CNTN5: variants seen among roughly 807,000 people sequenced by gnomAD.
CNTN5 encodes the protein contactin-5.
CNTN5 carries 77 observed loss-of-function variants against 129.1 expected under a neutral mutation model. The observed-to-expected ratio is 0.60, with a 90% CI of 0.50 to 0.72. The LOEUF (loss-of-function observed/expected upper bound fraction) is 0.72, where lower values mean the gene tolerates loss of function less well. Among genes scored for constraint, CNTN5 ranks in the 30% least tolerant of loss-of-function variants. The pLI is 0.00. For missense variants in CNTN5, 1,478 were observed against 1,328.8 expected (o/e 1.11, Z -1.75); for synonymous variants, 509 against 465.6 (o/e 1.09, Z -1.20).
intron 1 of CNTN5, among the ~76,000 whole-genome samples, chr11:99,150,829 A>G (rs4402263): frequency 0.65 from 99,401 of 151,868 alleles, 33,188 homozygotes; most frequent in African/African-American, 0.75. Context: ...TATATCCCTA[A>G]GCCTAGTCAT....
rs184377804 is a variant in CNTN5, at chr11:99,846,824, G to A, written c.577+1562G>A. ...GTACCGAGATAGGTCCTAGAAAAAT[G>A]TAAATATCATATTTTAAAGTAGATT... is the stretch of plus-strand genomic sequence containing the variant. On this transcript the variant is annotated intron_variant, in intron 6 of 24. Coordinates refer to ENST00000524871, the MANE Select transcript of CNTN5 (RefSeq NM_014361.4). Among the ~76,000 whole-genome samples the A allele has an allele frequency of 6.5e-3, 989 of 152,126 alleles. 2 individuals are homozygous for A. Among genetic ancestry groups the A allele is most frequent in the Non-Finnish European group, 0.01 (697 of 67,960 alleles).
chr11:99,340,484 A>C (rs1052533629), intron 2 of CNTN5, among the ~76,000 whole-genome samples: 1 of 152,212 alleles, frequency 6.6e-6, no homozygotes. Context: ...TGAAAGAACA[A>C]GTGAAGAATG....
At chr11:100,141,722 T>C (rs1946702156) in intron 13 of CNTN5, among the ~76,000 whole-genome samples, 1 of 152,178 alleles carries the variant, frequency 6.6e-6, no homozygotes, top group East Asian at 1.9e-4. Flanking sequence ...CTGACAGGGT[T>C]ATTCAAGTGA....
At chr11:100,216,211 A>G (rs1949136026) in intron 15 of CNTN5, among the ~76,000 whole-genome samples, 1 of 152,168 alleles carries the variant, frequency 6.6e-6, no homozygotes, top group African/African-American at 2.4e-5. Context: ...AGGAGGAGTT[A>G]GAAAACCTAC....
chr11:100,149,351 G>A (rs1213010010), intron 13 of CNTN5, among the ~76,000 whole-genome samples: 3 of 152,034 alleles, frequency 2.0e-5, no homozygotes, highest in Admixed American at 1.3e-4. Context: ...TATCAATTAA[G>A]TTTATTCAAA....
intron 9 of CNTN5, among the ~76,000 whole-genome samples, chr11:100,003,366 C>T (rs1325052913): frequency 6.6e-6 from 1 of 152,128 alleles, no homozygotes; most frequent in Admixed American, 6.6e-5. Flanking sequence ...AGTTAAAAGT[C>T]TGGTTTGTCA....
intron 2 of CNTN5, among the ~76,000 whole-genome samples, chr11:99,491,054 A>G (rs11220171): frequency 0.22 from 33,493 of 152,012 alleles, 4,027 homozygotes; most frequent in Admixed American, 0.34. Flanking sequence ...GCACGGATAC[A>G]CTACTGCCCT....
chr11:99,697,914 A>G (rs1954343588), intron 3 of CNTN5, among the ~76,000 whole-genome samples: 1 of 151,690 alleles, frequency 6.6e-6, no homozygotes, highest in Non-Finnish European at 1.5e-5. Context: ...CTCCTTCCTT[A>G]CTAGCTTAGT....
At chr11:100,295,068 T>G (rs573162864) in intron 18 of CNTN5, among the ~76,000 whole-genome samples, 1 of 151,550 alleles carries the variant, frequency 6.6e-6, no homozygotes. Flanking sequence ...TCTAGTAAAC[T>G]TTTTTTAAAA....
chr11:99,908,454 T>C (rs891791493), intron 6 of CNTN5, among the ~76,000 whole-genome samples: 1 of 152,090 alleles, frequency 6.6e-6, no homozygotes, highest in South Asian at 2.1e-4. Context: ...CATTTTTCTT[T>C]TTAATGCTTA....
chr11:99,171,500 G>A (rs1331826384), intron 1 of CNTN5, among the ~76,000 whole-genome samples: 2 of 151,782 alleles, frequency 1.3e-5, no homozygotes, highest in Non-Finnish European at 2.9e-5. Context: ...CAGTTTTTTT[G>A]CTTTTTAACC....
intron 1 of CNTN5, among the ~76,000 whole-genome samples, chr11:99,080,980 G>GTTTTTTTT (rs766619743): frequency 8.9e-5 from 10 of 112,434 alleles, no homozygotes; most frequent in African/African-American, 2.3e-4. Context: ...TGAGAAATCA[G>GTTTTTTTT]TTTTTTTTTT....
intron 2 of CNTN5, among the ~76,000 whole-genome samples, chr11:99,450,644 C>G (rs906297317): frequency 6.6e-6 from 1 of 152,198 alleles, no homozygotes; most frequent in East Asian, 1.9e-4. Context: ...CCAGTCCAGA[C>G]CTTATTGCAC....
intron 13 of CNTN5, among the ~76,000 whole-genome samples, chr11:100,157,361 A>AT (rs1160469506): frequency 2.0e-5 from 3 of 151,950 alleles, no homozygotes; most frequent in Non-Finnish European, 4.4e-5. Flanking sequence ...TTAAGCAGAT[A>AT]TTTAATATAG....
chr11:99,642,869 T>C (rs548354498), intron 3 of CNTN5, among the ~76,000 whole-genome samples: 1 of 152,304 alleles, frequency 6.6e-6, no homozygotes, highest in East Asian at 1.9e-4. Context: ...GCTTGACTTA[T>C]TTCACTTACC....
chr11:99,027,842 T>C (rs1163901566), intron 1 of CNTN5, among the ~76,000 whole-genome samples: 2 of 151,732 alleles, frequency 1.3e-5, no homozygotes, highest in East Asian at 3.9e-4. Flanking sequence ...GTTTTAAGAC[T>C]TTTTCTTTAA....
rs978786373 is a variant in CNTN5, at chr11:99,581,004, T to C, written c.55+24735T>C. ...ATTTCCCTCTACACACTGCTTTGAA[T>C]ATGTCCCAGAGATTCTGGTATGTTG... On this transcript the variant is annotated intron_variant, in intron 3 of 24. Coordinates refer to ENST00000524871, the MANE Select transcript of CNTN5 (RefSeq NM_014361.4). 3.2e-3 allele frequency among the ~76,000 whole-genome samples: 474 copies of C among 149,032 alleles called. 4 individuals are homozygous for C. The highest frequency in any genetic ancestry group is 0.011 in the African/African-American group (445 of 40,506).
At chr11:100,170,134 C>T (rs1303936924) in intron 13 of CNTN5, among the ~76,000 whole-genome samples, 1 of 151,998 alleles carries the variant, frequency 6.6e-6, no homozygotes, top group Non-Finnish European at 1.5e-5. Context: ...TGAACGCCTT[C>T]TATTAGTCCT....
In CNTN5 at chr11:99,511,658, T is replaced by C. The variant is rs557072352; in HGVS notation, c.-70-44487T>C. ...GACAGTGGGGTGTTAAAGTCTCCCA[T>C]TATTATTGTGTGGGAATCTAAGTCT... On this transcript the variant is annotated intron_variant, in intron 2 of 24. Coordinates refer to ENST00000524871, the MANE Select transcript of CNTN5 (RefSeq NM_014361.4). 2.3e-3 allele frequency among the ~76,000 whole-genome samples: 348 copies of C among 152,000 alleles called. 2 individuals are homozygous for C. The highest frequency in any genetic ancestry group is 8.1e-3 in the African/African-American group (336 of 41,456).
Sources: gnomAD v4.1 joint callset for allele counts (sites outside exome capture counted in the v4.1 genomes callset) on GRCh38, gnomAD v4.1.1 for gene constraint, MANE v1.5 for transcripts, NCBI Gene and HGNC (gene_info 2026-07-23, HGNC 2026-07-21) for gene names.